Variants in MYCBP2 observed in about 807,000 individuals in gnomAD.
MYCBP2 encodes the protein E3 ubiquitin-protein ligase MYCBP2.
Under a neutral mutation model 525.3 loss-of-function variants are expected in MYCBP2, and 120 were observed. The ratio of observed to expected loss-of-function variants is 0.23; its 90% CI spans 0.20 to 0.27. The LOEUF (loss-of-function observed/expected upper bound fraction) is 0.27. Ranked by LOEUF, MYCBP2 falls within the 10% of genes least tolerant of loss-of-function variation. The pLI, the probability that MYCBP2 is intolerant of heterozygous loss-of-function variation, is 1.00. For missense variants in MYCBP2, 4,149 were observed against 5,657.1 expected, an observed-to-expected ratio of 0.73 and a Z score of 8.55; for synonymous variants, 1,894 against 1,955.8, an observed-to-expected ratio of 0.97 and a Z score of 0.83.
intron 37 of MYCBP2, among the ~76,000 whole-genome samples, chr13:77,172,456 G>A (rs989586570): frequency 6.6e-5 from 10 of 152,148 alleles, no homozygotes; most frequent in African/African-American, 2.4e-4. Flanking sequence ...GTGGAACTTG[G>A]TATGATTTAT....
intron 2 of MYCBP2, among the ~76,000 whole-genome samples, chr13:77,288,675 A>T (rs2077145278): frequency 6.6e-6 from 1 of 152,216 alleles, no homozygotes; most frequent in African/African-American, 2.4e-5. Flanking sequence ...CTTAACTCTT[A>T]GAGTTCTGTA....
chr13:77,205,435 G>A, intron 25 of MYCBP2, 38 bp downstream of exon 25: 1 of 1,611,946 alleles, frequency 6.2e-7, no homozygotes, highest in Non-Finnish European at 8.5e-7. Flanking sequence ...ATATATTTCA[G>A]TTGTAAGACA....
At chr13:77,157,150 A>G (rs571968211) in intron 45 of MYCBP2, among the ~76,000 whole-genome samples, 19 of 152,186 alleles carry the variant, frequency 1.2e-4, no homozygotes, top group Non-Finnish European at 2.4e-4. Flanking sequence ...CAGTGGCACA[A>G]TCACAGCAAC....
At chr13:77,200,479 T>G (rs1373413887) in intron 26 of MYCBP2, among the ~76,000 whole-genome samples, 2 of 151,836 alleles carry the variant, frequency 1.3e-5, no homozygotes, top group African/African-American at 4.8e-5. Context: ...CAGGATATTA[T>G]CCAGGAGAAC....
At chr13:77,184,449 T>C (rs973988830) in intron 32 of MYCBP2, among the ~76,000 whole-genome samples, 2 of 152,258 alleles carry the variant, frequency 1.3e-5, no homozygotes, top group Non-Finnish European at 2.9e-5. Context: ...TTAAAAATCA[T>C]GTGTACTTGA....
intron 56 of MYCBP2, 120 bp from the exon 57 acceptor site, chr13:77,096,601 A>G (rs1284654687): frequency 8.6e-6 from 9 of 1,050,706 alleles, no homozygotes; most frequent in African/African-American, 6.4e-5. Flanking sequence ...ACTGAAGTAG[A>G]TATCTTATTT....
intron 71 of MYCBP2, 93 bp downstream of exon 71, chr13:77,067,488 C>T (rs1024287246): frequency 7.6e-7 from 1 of 1,318,646 alleles, no homozygotes; most frequent in Admixed American, 2.1e-5. Flanking sequence ...TGGTGAGTAA[C>T]CTAACAAGGT....
intron 59 of MYCBP2, among the ~76,000 whole-genome samples, chr13:77,092,960 A>G (rs139409100): frequency 4.6e-5 from 7 of 152,268 alleles, no homozygotes; most frequent in Admixed American, 3.3e-4. Flanking sequence ...TTCCTTCACT[A>G]GTTGATCTCT....
intron 28 of MYCBP2, among the ~76,000 whole-genome samples, chr13:77,190,971 T>C (rs2061242474): frequency 6.6e-6 from 1 of 152,202 alleles, no homozygotes; most frequent in African/African-American, 2.4e-5. Context: ...ATAAACTGAA[T>C]TTATCTTACA....
At chr13:77,239,856 A>T (rs1006706851) in intron 17 of MYCBP2, among the ~76,000 whole-genome samples, 1 of 152,226 alleles carries the variant, frequency 6.6e-6, no homozygotes, top group Admixed American at 6.5e-5. Flanking sequence ...AGGTAAGCAA[A>T]GTATGGATGC....
At chr13:77,068,936 AC>A in intron 69 of MYCBP2, 105 bp from the exon 70 acceptor site, 19 of 1,085,176 alleles carry the variant, frequency 1.8e-5, no homozygotes, top group Non-Finnish European at 2.4e-5. Context: ...GTAAATTGAT[AC>A]TCAATTTAAT....
chr13:77,084,787 T>G (rs2043933050), intron 62 of MYCBP2, among the ~76,000 whole-genome samples: 1 of 152,066 alleles, frequency 6.6e-6, no homozygotes. Flanking sequence ...GCATGCCCAG[T>G]CTAAGAGTGG....
At chr13:77,183,850 C>A (rs374293878) in intron 32 of MYCBP2, among the ~76,000 whole-genome samples, 1 of 151,996 alleles carries the variant, frequency 6.6e-6, no homozygotes, top group Non-Finnish European at 1.5e-5. Context: ...GCCCGGTGAA[C>A]CCCTATTTCA....
Position 77,068,729 on chromosome 13 carries a change from T to G in MYCBP2, c.12007A>C (p.Asn4003His). Residue 4003 changes from asparagine (N) to histidine (H), a missense_variant, in exon 70 of 83, where the codon AAT becomes CAT. Physicochemically the swap from Asn to His is moderately conservative, Grantham distance 68. This residue lies in a region of MYCBP2 where 64 missense variants were observed against 131.2 expected (regional missense o/e 0.49). Transcript: ENST00000544440. ...GCATCAGAGGAGGCATCTTCATCAT[T>G]TGGCTGAGAATTGGCATTTTCTTTG... ...SSKENANSQP[N>H]DEDASSDAYC... 6.2e-7 allele frequency: 1 copy of G among 1,614,158 alleles called. No homozygotes were observed. Among genetic ancestry groups the G allele is most frequent in the Non-Finnish European group, 8.5e-7 (1 of 1,180,016 alleles).
Position 77,168,458 on chromosome 13 carries a change from C to G in MYCBP2, c.6084G>C (p.Pro2028=), listed in dbSNP as rs371311366. The change falls in exon 40 of 83, where the codon CCG becomes CCC. Residue 2028 remains proline, a synonymous_variant. Transcript: ENST00000544440. ...SHYAVIESEH[P]YKPACVMHYK... is the part of the protein sequence containing the mutation. ...AATGCATCACACAGGCAGGTTTATA[C>G]GGGTGCTCACTCTCTATGACAGCAT... 15 of 1,614,036 alleles carry G rather than the reference C, an allele frequency of 9.3e-6. No individual in the cohort carries two copies. In the East Asian group the frequency reaches 2.9e-4, roughly 31 times the overall value.
intron 18 of MYCBP2, among the ~76,000 whole-genome samples, chr13:77,232,006 T>C (rs959701912): frequency 3.3e-5 from 5 of 152,236 alleles, no homozygotes; most frequent in African/African-American, 1.2e-4. Context: ...GTTAATTGCA[T>C]TAGATTTAAA....
intron 55 of MYCBP2, among the ~76,000 whole-genome samples, chr13:77,104,995 T>C (rs1594578806): frequency 6.6e-6 from 1 of 152,120 alleles, no homozygotes. Flanking sequence ...TGTCATATAA[T>C]AAGGAGTTTG....
intron 26 of MYCBP2, among the ~76,000 whole-genome samples, chr13:77,196,810 T>G (rs2061805126): frequency 6.6e-6 from 1 of 152,164 alleles, no homozygotes. Context: ...CGTAGGCTGT[T>G]GTACATATTG....
intron 26 of MYCBP2, among the ~76,000 whole-genome samples, chr13:77,201,170 T>C (rs1392250118): frequency 6.6e-6 from 1 of 151,298 alleles, no homozygotes; most frequent in East Asian, 1.9e-4. Context: ...GAGACGCATA[T>C]AGGCTCAAAA....
Sources: gnomAD v4.1 joint callset for allele counts (sites outside exome capture counted in the v4.1 genomes callset) on GRCh38, gnomAD v4.1.1 for gene constraint, gnomAD v4.1.1 regional missense constraint, MANE v1.5 for transcripts, NCBI Gene and HGNC (gene_info 2026-07-23, HGNC 2026-07-21) for gene names.